The following TDRD3 variants were observed in gnomAD, a reference collection of about 807,000 sequenced individuals.
The protein encoded by TDRD3 is tudor domain containing 3.
Under a neutral mutation model 86.7 loss-of-function variants are expected in TDRD3, and 45 were observed. The observed-to-expected ratio is 0.52, with a 90% CI of 0.41 to 0.67. The LOEUF (loss-of-function observed/expected upper bound fraction) is 0.67. TDRD3 is among the 30% of genes least tolerant of loss of function. The pLI is 0.00. For missense variants in TDRD3, 814 were observed against 889.0 expected (o/e 0.92, Z 1.07); for synonymous variants, 298 against 301.7 (o/e 0.99, Z 0.13).
intron 3 of TDRD3, among the ~76,000 whole-genome samples, chr13:60,455,527 G>C (rs943855286): frequency 1.3e-5 from 2 of 152,230 alleles, no homozygotes; most frequent in African/African-American, 4.8e-5. Context: ...TTTGGAAGTA[G>C]TGATGGGGTA....
intron 8 of TDRD3, among the ~76,000 whole-genome samples, chr13:60,500,536 C>G (rs370461202): frequency 1.9e-4 from 29 of 152,184 alleles, no homozygotes; most frequent in East Asian, 1.7e-3. Flanking sequence ...AGCCTACAGC[C>G]CCTTTCTAAG....
At chr13:60,419,178 T>C (rs905245548) in intron 1 of TDRD3, among the ~76,000 whole-genome samples, 1 of 152,236 alleles carries the variant, frequency 6.6e-6, no homozygotes, top group Non-Finnish European at 1.5e-5. Context: ...CAACAGTGTA[T>C]GAGAGATCTG....
intron 1 of TDRD3, among the ~76,000 whole-genome samples, chr13:60,409,530 A>T (rs1954309642): frequency 6.6e-6 from 1 of 152,172 alleles, no homozygotes; most frequent in African/African-American, 2.4e-5. Flanking sequence ...CATCAGTGTG[A>T]CCTGGATGTG....
At chr13:60,489,708 A>G (rs1020304530) in intron 7 of TDRD3, among the ~76,000 whole-genome samples, 3 of 152,128 alleles carry the variant, frequency 2.0e-5, no homozygotes, top group Non-Finnish European at 4.4e-5. Context: ...GCTATTCTTT[A>G]CTTTTTCCTC....
rs1015094279 is a variant in TDRD3, at chr13:60,511,214, A to C, written c.1141+459A>C. Among the ~76,000 whole-genome samples the C allele has an allele frequency of 2.0e-5, 3 of 152,338 alleles. No individual in the cohort carries two copies. In the South Asian group the frequency reaches 6.2e-4, roughly 32 times the overall value. ...GATTACTATATTGAAAAGAGAAGTA[A>C]GTATGGTAAATATGCAGCCTTTTTC... is the stretch of plus-strand genomic sequence containing the variant. On this transcript the variant is annotated intron_variant, in intron 10 of 13. Coordinates refer to ENST00000377881, the MANE Select transcript of TDRD3 (RefSeq NM_001146070.2).
At chr13:60,401,421 G>A (rs1954098241) in intron 1 of TDRD3, among the ~76,000 whole-genome samples, 1 of 152,092 alleles carries the variant, frequency 6.6e-6, no homozygotes, top group African/African-American at 2.4e-5. Context: ...TTTGTGTCAG[G>A]GACTTGAGCA....
At position 60,497,150 on chromosome 13, in the gene TDRD3, C is replaced by T. The variant is rs116077050; in HGVS notation, c.858+2575C>T. On this transcript the variant is annotated intron_variant, in intron 8 of 13. Transcript: ENST00000377881. ...CTGGATCCGGAAGGGTGGAAGTCAA[C>T]GGCGGGTCTGGGACGGCGGTGAACA... Among the ~76,000 whole-genome samples the T allele has an allele frequency of 7.2e-3, 1,103 of 152,270 alleles. 9 individuals are homozygous for T. Among genetic ancestry groups the T allele is most frequent in the Middle Eastern group, 0.024 (7 of 294 alleles).
At chr13:60,538,339 T>G (rs1329842473) in intron 12 of TDRD3, among the ~76,000 whole-genome samples, 1 of 152,010 alleles carries the variant, frequency 6.6e-6, no homozygotes, top group Non-Finnish European at 1.5e-5. Flanking sequence ...ATTAAACTTT[T>G]GTTGTCATCC....
intron 8 of TDRD3, among the ~76,000 whole-genome samples, chr13:60,507,168 AC>A (rs1248842815): frequency 6.6e-6 from 1 of 152,338 alleles, no homozygotes. Context: ...ATATATATGC[AC>A]CCAATACAGG....
intron 12 of TDRD3, among the ~76,000 whole-genome samples, chr13:60,557,819 G>GTTTTTTTTTTTTTTTTTTTTTTTTTT (rs1491187240): frequency 3.3e-5 from 3 of 89,934 alleles, no homozygotes; most frequent in Non-Finnish European, 5.1e-5. Context: ...TTTTTTTCCT[G>GTTTTTTTTTTTTTTTTTTTTTTTTTT]ATTTTTTTTT....
intron 12 of TDRD3, among the ~76,000 whole-genome samples, chr13:60,563,390 G>T (rs1958382492): frequency 6.6e-6 from 1 of 152,150 alleles, no homozygotes; most frequent in Non-Finnish European, 1.5e-5. Flanking sequence ...AGCAGAGGAA[G>T]AAATGTCCCA....
At chr13:60,414,386 A>G (rs1954441873) in intron 1 of TDRD3, among the ~76,000 whole-genome samples, 1 of 152,190 alleles carries the variant, frequency 6.6e-6, no homozygotes, top group Non-Finnish European at 1.5e-5. Context: ...CTTTTGTGCT[A>G]CAGGAGCAAA....
At chr13:60,498,391 A>T (rs568335622) in intron 8 of TDRD3, among the ~76,000 whole-genome samples, 1 of 152,308 alleles carries the variant, frequency 6.6e-6, no homozygotes, top group Middle Eastern at 3.4e-3. Flanking sequence ...ATCAAAGGCA[A>T]GGTTAAGCGT....
chr13:60,528,291 G>A (rs1014504347), intron 10 of TDRD3, 76 bp from the exon 11 acceptor site: 13 of 1,418,936 alleles, frequency 9.2e-6, no homozygotes, highest in Admixed American at 2.4e-5. Flanking sequence ...TGTATTAATA[G>A]AATAAAGCAT....
chr13:60,502,734 G>C (rs1956859668), intron 8 of TDRD3, among the ~76,000 whole-genome samples: 1 of 152,056 alleles, frequency 6.6e-6, no homozygotes, highest in Non-Finnish European at 1.5e-5. Flanking sequence ...CAGGAACCTT[G>C]TACAGGATTA....
chr13:60,470,578 CATT>C (rs931469224), intron 5 of TDRD3, among the ~76,000 whole-genome samples: 2 of 141,242 alleles, frequency 1.4e-5, no homozygotes, highest in Non-Finnish European at 1.5e-5. Context: ...AATAGAATAT[CATT>C]ATAGTTGGGT....
rs75538355 is a variant in TDRD3 at position 60,437,589 on chromosome 13, T to A, written c.42-2099T>A. 3.8e-3 allele frequency among the ~76,000 whole-genome samples: 572 copies of A among 150,994 alleles called. 8 individuals are homozygous for A. The highest frequency in any genetic ancestry group is 0.012 in the African/African-American group (513 of 41,398). On this transcript the variant is annotated intron_variant, in intron 1 of 13. Coordinates refer to ENST00000377881, the MANE Select transcript of TDRD3 (RefSeq NM_001146070.2). ...TGAAGAGGTGAATTTTGGTTATTTT[T>A]AAATTAAATTAATTTATTATAATAT... is the stretch of plus-strand genomic sequence containing the variant.
At chr13:60,456,490 T>A (rs1006930130) in intron 3 of TDRD3, among the ~76,000 whole-genome samples, 19 of 152,204 alleles carry the variant, frequency 1.2e-4, no homozygotes, top group Admixed American at 4.6e-4. Flanking sequence ...GCCACTAAAA[T>A]TTTTTAGAGT....
Position 60,397,300 on chromosome 13 carries a change from C to G in TDRD3, c.-65C>G. Reference sequence around the variant, plus strand: ...TTTTTTTTTTTAAGGGGGGGGGTCTCAAGTAGGAGGCCTCCCCATCACCCC... The same window carrying G: ...TTTTTTTTTTTAAGGGGGGGGGTCTGAAGTAGGAGGCCTCCCCATCACCCC... On this transcript the variant is annotated 5_prime_UTR_variant, in exon 1 of 14. It introduces an in-frame stop codon into an upstream open reading frame of the 5' UTR. Coordinates refer to ENST00000377881, the MANE Select transcript of TDRD3 (RefSeq NM_001146070.2). 1 of 799,144 alleles carries G rather than the reference C, an allele frequency of 1.3e-6. No homozygotes were observed. The highest frequency in any genetic ancestry group is 1.8e-6 in the Non-Finnish European group (1 of 552,248). 49.5% of individuals were successfully genotyped at this position (799,144 alleles called of 1,614,324 possible).
Sources: gnomAD v4.1 joint callset for allele counts (sites outside exome capture counted in the v4.1 genomes callset) on GRCh38, gnomAD v4.1.1 for gene constraint, MANE v1.5 for transcripts, NCBI Gene and HGNC (gene_info 2026-07-23, HGNC 2026-07-21) for gene names.